SLC33A1: variants seen among roughly 807,000 people sequenced by gnomAD.
SLC33A1 encodes the protein acetyl-coenzyme A transporter 1.
A neutral mutation model predicts 50.0 loss-of-function variants in SLC33A1; 20 were observed. The ratio of observed to expected loss-of-function variants is 0.40; its 90% CI spans 0.28 to 0.58. The LOEUF (loss-of-function observed/expected upper bound fraction) is 0.58, where lower values mean the gene tolerates loss of function less well. SLC33A1 is among the 20% of genes least tolerant of loss of function. The probability of loss-of-function intolerance (pLI) is 0.44; values close to 1 mark genes in which losing one functional copy is unlikely to be tolerated. For synonymous variants in SLC33A1, 265 were observed against 251.8 expected, an observed-to-expected ratio of 1.05 and a Z score of -0.50; for missense variants, 476 against 657.0, an observed-to-expected ratio of 0.72 and a Z score of 3.01.
chr3:155,840,920 G>C (rs1351230065), intron 2 of SLC33A1, among the ~76,000 whole-genome samples: 1 of 152,180 alleles, frequency 6.6e-6, no homozygotes, highest in Non-Finnish European at 1.5e-5. Flanking sequence ...AGGAGGCAGA[G>C]GTTGCAGTGA....
At chr3:155,852,283 C>G (rs1324595031) in intron 1 of SLC33A1, among the ~76,000 whole-genome samples, 4 of 151,906 alleles carry the variant, frequency 2.6e-5, no homozygotes, top group African/African-American at 9.7e-5. Flanking sequence ...CATAGTGAGA[C>G]AGCCCCCCCG....
chr3:155,829,809 G>C lies in SLC33A1; in HGVS notation c.1361C>G (p.Thr454Ser), dbSNP rs1371214604. 1 of 1,613,724 alleles carries C rather than the reference G, an allele frequency of 6.2e-7. No homozygotes were observed. The highest frequency in any genetic ancestry group is 1.1e-5 in the South Asian group (1 of 91,074). The change falls in exon 5 of 6, where the codon ACC becomes AGC. Residue 454 changes from threonine to serine, a missense_variant. Transcript: ENST00000643144. Reference sequence around the variant, plus strand: ...CCAGTTTCCTCCCAGATTGGACACGGTATTTAAAAGGGTCATGTATGTTCC... The same window carrying C: ...CCAGTTTCCTCCCAGATTGGACACGCTATTTAAAAGGGTCATGTATGTTCC... ...IGGTYMTLLN[T>S]VSNLGGNWPS...
Position 155,842,495 on chromosome 3 carries a change from C to T in SLC33A1, c.900G>A (p.Leu300=), listed in dbSNP as rs577049995. The change falls in exon 2 of 6, where the codon CTG becomes CTA. Residue 300 remains leucine, a synonymous_variant. Transcript: ENST00000643144. ...CTGGCATTTTTATAATTGCAAAAAG[C>T]AGCTTGTAAGTATCTGTGATCCCTT... is the stretch of plus-strand genomic sequence containing the variant. ...ETQGITDTYK[L]LFAIIKMPAV... The T allele has an allele frequency of 8.1e-6, 13 of 1,612,450 alleles. 1 individual carries two copies. In the South Asian group the frequency reaches 1.4e-4, roughly 18 times the overall value.
At chr3:155,852,985 T>C (rs1395171992) in intron 1 of SLC33A1, 3 of 565,132 alleles carry the variant, frequency 5.3e-6, no homozygotes, top group Non-Finnish European at 6.3e-6. Context: ...CTGGACTCGG[T>C]TGTGTTATTT....
chr3:155,833,197 C>G (rs1211958668), intron 4 of SLC33A1, among the ~76,000 whole-genome samples: 4 of 151,732 alleles, frequency 2.6e-5, no homozygotes, highest in African/African-American at 9.7e-5. Context: ...TGCAGTGAGC[C>G]GAGACTGCAC....
intron 2 of SLC33A1, among the ~76,000 whole-genome samples, chr3:155,837,264 G>A (rs1752716878): frequency 6.7e-6 from 1 of 150,150 alleles, no homozygotes; most frequent in Non-Finnish European, 1.5e-5. Flanking sequence ...GCTGAGGCAG[G>A]AGAATGGTGT....
rs1489414844 is a variant in SLC33A1, at chr3:155,853,587, G to T, written c.411C>A (p.Phe137Leu). ...PLVDAVYVKN[F>L]GRRKSWLVPT... The stretch of plus-strand genomic sequence containing the variant: ...GGACAAGCCAAGATTTGCGACGACC[G>T]AAGTTCTTAACGTAGACCGCATCAA... The change falls in exon 1 of 6, where the codon TTC (phenylalanine) becomes TTA (leucine). Residue 137 changes from phenylalanine to leucine, a missense_variant. Phe to Leu is a conservative substitution (Grantham distance 22, BLOSUM62 0). Coordinates refer to ENST00000643144, the MANE Select transcript of SLC33A1 (RefSeq NM_004733.4). 6.2e-7 allele frequency: 1 copy of T among 1,614,180 alleles called. No homozygotes were observed. Among genetic ancestry groups the T allele is most frequent in the Admixed American group, 1.7e-5 (1 of 60,014 alleles).
chr3:155,835,339 T>C (rs1421694801), intron 2 of SLC33A1, among the ~76,000 whole-genome samples: 1 of 152,160 alleles, frequency 6.6e-6, no homozygotes, highest in Non-Finnish European at 1.5e-5. Flanking sequence ...ATCGATACAG[T>C]AGGCAGAAAG....
intron 2 of SLC33A1, among the ~76,000 whole-genome samples, chr3:155,834,898 T>C (rs1162791336): frequency 6.6e-6 from 1 of 152,162 alleles, no homozygotes; most frequent in Non-Finnish European, 1.5e-5. Flanking sequence ...AATTGGCCTG[T>C]ATTCTTCAAA....
intron 2 of SLC33A1, 63 bp from the exon 3 acceptor site, chr3:155,834,104 T>G: frequency 7.3e-7 from 1 of 1,370,256 alleles, no homozygotes; most frequent in Non-Finnish European, 1.0e-6. Context: ...CCTCCATGCA[T>G]ATGTAAGTTC....
intron 2 of SLC33A1, among the ~76,000 whole-genome samples, chr3:155,840,500 G>A (rs1752887572): frequency 6.6e-6 from 1 of 151,946 alleles, no homozygotes; most frequent in African/African-American, 2.4e-5. Context: ...TGGTCAACAG[G>A]GTGAAACCCT....
chr3:155,829,621 G>A, intron 5 of SLC33A1, 67 bp downstream of exon 5: 6 of 1,138,480 alleles, frequency 5.3e-6, no homozygotes, highest in Non-Finnish European at 8.0e-6. Flanking sequence ...AGTACTTCTA[G>A]AGACAAAACA....
intron 3 of SLC33A1, 31 bp from the exon 4 acceptor site, chr3:155,833,616 C>A: frequency 7.8e-7 from 1 of 1,277,984 alleles, no homozygotes; most frequent in Non-Finnish European, 1.1e-6. Context: ...AGTTGACTTC[C>A]ATTTTAGCTT....
At position 155,821,702 on chromosome 3, in the gene SLC33A1, G is replaced by C. The variant is rs1373955763; in HGVS notation, c.*6508C>G. The C allele has an allele frequency of 1.3e-5, 2 of 151,706 alleles. No individual in the cohort carries two copies. Among genetic ancestry groups the C allele is most frequent in the African/African-American group, 4.9e-5 (2 of 41,198 alleles). 9.4% of individuals were successfully genotyped at this position (151,706 alleles called of 1,614,324 possible). ...GCCGGTCTTCAACTCCTGACCTCAA[G>C]TGATCTGCCTGCCTTGGCCTCCCAA... is the stretch of plus-strand genomic sequence containing the variant. On this transcript the variant is annotated 3_prime_UTR_variant, in exon 6 of 6. Transcript: ENST00000643144.
At chr3:155,853,010 C>T in intron 1 of SLC33A1, 2 of 586,600 alleles carry the variant, frequency 3.4e-6, no homozygotes, top group Non-Finnish European at 6.0e-6. Context: ...GGTTGCCTCT[C>T]CCTGTTAACC....
At chr3:155,841,897 G>A (rs923994296) in intron 2 of SLC33A1, among the ~76,000 whole-genome samples, 1 of 151,972 alleles carries the variant, frequency 6.6e-6, no homozygotes, top group Non-Finnish European at 1.5e-5. Context: ...AAAGGCACGT[G>A]CCACCATGAC....
In SLC33A1 at chr3:155,821,248, A is replaced by G. The variant is rs1382400512; in HGVS notation, c.*6962T>C. Reference sequence around the variant, plus strand: ...ATCAAGGCTAATGCTAGATATTCCAAAAGTGGTAACAGAAATGATTGTGTG... The same window carrying G: ...ATCAAGGCTAATGCTAGATATTCCAGAAGTGGTAACAGAAATGATTGTGTG... On this transcript the variant is annotated 3_prime_UTR_variant, in exon 6 of 6. Coordinates refer to ENST00000643144, the MANE Select transcript of SLC33A1 (RefSeq NM_004733.4). 1 of 152,236 alleles carries G rather than the reference A, an allele frequency of 6.6e-6. No individual in the cohort carries two copies. The highest frequency in any genetic ancestry group is 1.9e-4 in the East Asian group (1 of 5,198). 9.4% of individuals were successfully genotyped at this position (152,236 alleles called of 1,614,324 possible).
At chr3:155,851,850 T>A (rs1013476137) in intron 1 of SLC33A1, among the ~76,000 whole-genome samples, 2 of 152,210 alleles carry the variant, frequency 1.3e-5, no homozygotes, top group Non-Finnish European at 2.9e-5. Flanking sequence ...CCAGTAATAG[T>A]GGCTCACTCA....
chr3:155,836,141 AG>A (rs1752649270), intron 2 of SLC33A1, among the ~76,000 whole-genome samples: 1 of 151,586 alleles, frequency 6.6e-6, no homozygotes, highest in African/African-American at 2.4e-5. Context: ...AAAACTAGCC[AG>A]GTGTGGTGGT....
Sources: allele counts gnomAD v4.1 joint callset (sites outside exome capture counted in the v4.1 genomes callset), GRCh38; gene constraint gnomAD v4.1.1; transcripts MANE v1.5; gene names NCBI Gene and HGNC (gene_info 2026-07-23, HGNC 2026-07-21).